Variants in ANKRD30B observed in about 807,000 individuals in gnomAD.
ANKRD30B encodes the protein ankyrin repeat domain-containing protein 30B.
Under a neutral mutation model 202.2 loss-of-function variants are expected in ANKRD30B, and 144 were observed. The ratio of observed to expected loss-of-function variants is 0.71; its 90% confidence interval spans 0.62 to 0.82. The LOEUF (loss-of-function observed/expected upper bound fraction) is 0.82, where lower values mean the gene tolerates loss of function less well. ANKRD30B is among the 40% of genes least tolerant of loss of function. The probability of loss-of-function intolerance (pLI) is 0.00; values close to 1 mark genes in which losing one functional copy is unlikely to be tolerated. For synonymous variants in ANKRD30B, 508 were observed against 561.3 expected (o/e 0.91, Z 1.34); for missense variants, 1,487 against 1,669.1 (o/e 0.89, Z 1.90).
At chr18:14,915,116 C>A in the ANKRD30B span, among the ~76,000 whole-genome samples, 1 of 152,148 alleles carries the variant, frequency 6.6e-6, no homozygotes, top group Admixed American at 6.6e-5. Flanking sequence ...CATGCTCCCC[C>A]CACTATTTCC....
the ANKRD30B span, among the ~76,000 whole-genome samples, chr18:14,869,018 C>T: frequency 2.0e-5 from 3 of 152,190 alleles, no homozygotes; most frequent in South Asian, 6.2e-4. Context: ...CTCAGGCACC[C>T]TAGTGGGGGA....
At position 14,752,992 on chromosome 18, in the gene ANKRD30B, G is replaced by T. The variant is rs1217486578; in HGVS notation, c.490G>T (p.Val164Phe). The change falls in exon 3 of 44, where the codon GTC becomes TTC. Residue 164 changes from valine to phenylalanine, a missense_variant. By Grantham distance (50) the Val-to-Phe change is conservative. This residue lies in a region of ANKRD30B where 889 missense variants were observed against 841.4 expected (regional missense o/e 1.06). Coordinates refer to ENST00000690538, the MANE Select transcript of ANKRD30B (RefSeq NM_001367607.2). ...GGCAACACTGCTGTCCTATGGTGCA[G>T]TCATCGAGGTGCAAAACAAGGTAGA... ...MVATLLSYGA[V>F]IEVQNKASLT... 6.3e-7 allele frequency: 1 copy of T among 1,596,364 alleles called. No individual in the cohort carries two copies. Among genetic ancestry groups the T allele is most frequent in the South Asian group, 1.1e-5 (1 of 88,594 alleles).
intron 39 of ANKRD30B, among the ~76,000 whole-genome samples, chr18:14,847,086 A>ATATG (rs1971678247): frequency 1.5e-5 from 2 of 134,486 alleles, no homozygotes; most frequent in Non-Finnish European, 3.2e-5. Flanking sequence ...ATATATATAT[A>ATATG]TATATATGTA....
chr18:14,863,834 G>T, the ANKRD30B span, among the ~76,000 whole-genome samples: 152 of 150,158 alleles, frequency 1.0e-3, no homozygotes, highest in African/African-American at 3.6e-3. Context: ...AATATCTGAT[G>T]AACATAGATG....
the ANKRD30B span, among the ~76,000 whole-genome samples, chr18:14,881,396 A>G: frequency 6.6e-6 from 1 of 152,076 alleles, no homozygotes; most frequent in Non-Finnish European, 1.5e-5. Context: ...ATTGACTTGC[A>G]TATGTTAAAC....
chr18:14,872,542 T>G, the ANKRD30B span, among the ~76,000 whole-genome samples: 4 of 152,186 alleles, frequency 2.6e-5, no homozygotes, highest in Non-Finnish European at 5.9e-5. Flanking sequence ...TAGAAATCAA[T>G]GCAGCGTGGT....
the ANKRD30B span, among the ~76,000 whole-genome samples, chr18:14,931,487 T>G: frequency 6.6e-6 from 1 of 152,138 alleles, no homozygotes; most frequent in Non-Finnish European, 1.5e-5. Flanking sequence ...CCCACTAGGC[T>G]TTTGACCTCA....
At chr18:14,847,090 A>C (rs1417699268) in intron 39 of ANKRD30B, among the ~76,000 whole-genome samples, 1 of 134,094 alleles carries the variant, frequency 7.5e-6, no homozygotes, top group Admixed American at 7.4e-5. Flanking sequence ...ATATATATAT[A>C]TATGTATAAT....
rs189739498 is a variant in ANKRD30B at position 14,804,721 on chromosome 18, C to A, written c.2284+897C>A. Among the ~76,000 whole-genome samples, 135 of 150,234 alleles carry A rather than the reference C, an allele frequency of 9.0e-4. 1 individual carries two copies. Among genetic ancestry groups the A allele is most frequent in the Admixed American group, 2.7e-3 (41 of 15,164 alleles). On this transcript the variant is annotated intron_variant, in intron 24 of 43. Coordinates refer to ENST00000690538, the MANE Select transcript of ANKRD30B (RefSeq NM_001367607.2). ...TAGTTAGGGGAGAAGAAGAAAGGGG[C>A]AATGGAATAGAAATTGTAGATGGAA...
chr18:14,756,164 G>A (rs1188845087), intron 4 of ANKRD30B, among the ~76,000 whole-genome samples: 2 of 152,186 alleles, frequency 1.3e-5, no homozygotes, highest in African/African-American at 4.8e-5. Flanking sequence ...GTGATGGTGA[G>A]CATTTTTTCA....
chr18:14,850,464 G>A, intron 41 of ANKRD30B, 82 bp downstream of exon 41: 1 of 1,307,756 alleles, frequency 7.6e-7, no homozygotes, highest in South Asian at 1.6e-5. Context: ...GATTTAGTAT[G>A]TGTTATTCAG....
chr18:14,836,870 A>G (rs1333854990), intron 34 of ANKRD30B, among the ~76,000 whole-genome samples: 3 of 151,780 alleles, frequency 2.0e-5, no homozygotes, highest in East Asian at 3.9e-4. Context: ...TGGCCCCATT[A>G]TGGCAGCATT....
chr18:14,794,218 C>T (rs1432988279), intron 16 of ANKRD30B, among the ~76,000 whole-genome samples: 1 of 151,718 alleles, frequency 6.6e-6, no homozygotes, highest in Non-Finnish European at 1.5e-5. Flanking sequence ...GTAGTATTTC[C>T]CTGCTTGCTT....
chr18:14,827,788 T>C (rs908455769), intron 32 of ANKRD30B, among the ~76,000 whole-genome samples: 43 of 152,342 alleles, frequency 2.8e-4, no homozygotes, highest in African/African-American at 8.7e-4. Flanking sequence ...GTCAGTCTTA[T>C]AGGGTTCTGT....
At chr18:14,873,197 A>T in the ANKRD30B span, among the ~76,000 whole-genome samples, 1 of 152,274 alleles carries the variant, frequency 6.6e-6, no homozygotes, top group African/African-American at 2.4e-5. Context: ...TTATTTATTG[A>T]ATTGTTTAAA....
the ANKRD30B span, among the ~76,000 whole-genome samples, chr18:14,926,486 A>G: frequency 1.3e-5 from 2 of 152,208 alleles, no homozygotes; most frequent in Admixed American, 6.5e-5. Flanking sequence ...CACATTGTCA[A>G]GGTGAGACAG....
In ANKRD30B at chr18:14,808,359, T is replaced by C. The variant is rs757034231; in HGVS notation, c.2285-192T>C. ...AGCACGTTTGATGAAATTTATTTTT[T>C]AAATTTTCTTAAGTATATTTCTGTC... On this transcript the variant is annotated intron_variant, in intron 24 of 43. Coordinates refer to ENST00000690538, the MANE Select transcript of ANKRD30B (RefSeq NM_001367607.2). 1.7e-4 allele frequency: 107 copies of C among 636,252 alleles called. 1 individual carries two copies. The East Asian group carries it at 2.1e-3, about 13-fold the overall frequency. 39.4% of individuals were successfully genotyped at this position (636,252 alleles called of 1,614,324 possible).
intron 32 of ANKRD30B, among the ~76,000 whole-genome samples, chr18:14,826,551 C>T (rs1598685061): frequency 6.6e-6 from 1 of 152,124 alleles, no homozygotes; most frequent in East Asian, 1.9e-4. Flanking sequence ...CTGGGGAGTA[C>T]ACATGCCAGC....
chr18:14,789,058 T>G (rs903555159), intron 15 of ANKRD30B, among the ~76,000 whole-genome samples: 2 of 151,828 alleles, frequency 1.3e-5, no homozygotes, highest in African/African-American at 4.8e-5. Flanking sequence ...CAGCACCTGT[T>G]GTTTCCTGAC....
Sources: gnomAD v4.1 joint callset for allele counts (sites outside exome capture counted in the v4.1 genomes callset) on GRCh38, gnomAD v4.1.1 for gene constraint, gnomAD v4.1.1 regional missense constraint, MANE v1.5 for transcripts, NCBI Gene and HGNC (gene_info 2026-07-23, HGNC 2026-07-21) for gene names.